Variants in LTBP1 observed in about 807,000 individuals in gnomAD.
The protein encoded by LTBP1 is latent-transforming growth factor beta-binding protein 1.
In LTBP1, 129 loss-of-function variants were observed where a neutral mutation model predicts 207.6. That is an observed-to-expected ratio of 0.62 (90% CI 0.54 to 0.72). The LOEUF is 0.72. Ranked by LOEUF, LTBP1 falls within the 30% of genes least tolerant of loss-of-function variation. The pLI is 0.00. For synonymous variants in LTBP1, 963 were observed against 833.7 expected, an observed-to-expected ratio of 1.16 and a Z score of -2.67; for missense variants, 2,281 against 2,217.2, an observed-to-expected ratio of 1.03 and a Z score of -0.58.
At chr2:33,355,574 A>C (rs770724409) in intron 26 of LTBP1, among the ~76,000 whole-genome samples, 2 of 152,176 alleles carry the variant, frequency 1.3e-5, no homozygotes, top group Non-Finnish European at 2.9e-5. Flanking sequence ...TGTGAATCCC[A>C]TGGATACAGA....
At chr2:33,385,950 C>T (rs554828525) in intron 31 of LTBP1, among the ~76,000 whole-genome samples, 3 of 152,134 alleles carry the variant, frequency 2.0e-5, no homozygotes, top group Middle Eastern at 6.8e-3. Flanking sequence ...AAGGGCAACA[C>T]GCTCTAGCAT....
chr2:33,397,506 CTTTTTTT>C (rs35219261), intron 33 of LTBP1, among the ~76,000 whole-genome samples: 1 of 112,116 alleles, frequency 8.9e-6, no homozygotes, highest in African/African-American at 3.5e-5. Context: ...TACCACAATT[CTTTTTTT>C]TTTTTTTTTT....
chr2:33,205,256 T>C (rs969154578), intron 7 of LTBP1, among the ~76,000 whole-genome samples: 8 of 152,260 alleles, frequency 5.3e-5, no homozygotes, highest in African/African-American at 7.2e-5. Context: ...CTTAAATCTT[T>C]ATTGCATTTA....
chr2:33,072,402 C>T (rs1467488131), intron 3 of LTBP1, among the ~76,000 whole-genome samples: 1 of 152,152 alleles, frequency 6.6e-6, no homozygotes, highest in Admixed American at 6.5e-5. Context: ...GGAAACCTAC[C>T]AAGGCCTGTC....
At chr2:33,279,966 C>T (rs1333863109) in intron 18 of LTBP1, 73 bp from the exon 19 acceptor site, 4 of 1,540,640 alleles carry the variant, frequency 2.6e-6, no homozygotes, top group Admixed American at 1.7e-5. Context: ...TCCCCCGCTG[C>T]CTTCATCACA....
chr2:32,961,505 A>C (rs1213247288), intron 2 of LTBP1, among the ~76,000 whole-genome samples: 1 of 152,220 alleles, frequency 6.6e-6, no homozygotes, highest in South Asian at 2.1e-4. Context: ...TTAAAGTGGA[A>C]GTTAAATATT....
chr2:33,250,210 G>A (rs769452293), intron 10 of LTBP1, among the ~76,000 whole-genome samples: 33 of 152,156 alleles, frequency 2.2e-4, no homozygotes, highest in Non-Finnish European at 3.8e-4. Context: ...GTAAAATAGG[G>A]GCAGTTTTAA....
intron 3 of LTBP1, among the ~76,000 whole-genome samples, chr2:33,049,924 C>T (rs2076640297): frequency 6.6e-6 from 1 of 151,840 alleles, no homozygotes; most frequent in Admixed American, 6.6e-5. Context: ...TCACTGCAGC[C>T]TGGGACTCCT....
intron 24 of LTBP1, among the ~76,000 whole-genome samples, chr2:33,335,089 G>C (rs1299442239): frequency 6.6e-6 from 1 of 151,198 alleles, no homozygotes; most frequent in Non-Finnish European, 1.5e-5. Flanking sequence ...CTGCTCTCTA[G>C]TGTGGGCAAC....
chr2:33,231,378 G>T (rs960787139), intron 9 of LTBP1, among the ~76,000 whole-genome samples: 1 of 152,156 alleles, frequency 6.6e-6, no homozygotes, highest in Non-Finnish European at 1.5e-5. Flanking sequence ...AAGTTCCTCG[G>T]AGTGCATCTG....
Position 33,300,471 on chromosome 2 carries a change from G to T in LTBP1, c.3256G>T (p.Gly1086Trp). The change falls in exon 21 of 34, where the codon GGG becomes TGG. Residue 1086 changes from glycine (G) to tryptophan (W), a missense_variant. This residue lies in a region of LTBP1 where 1,671 missense variants were observed against 1,634.8 expected (regional missense o/e 1.02). Transcript: ENST00000404816. ...HCRDIDECQQ[G>W]NLCVNGQCKN... ...TGCAGATATTGATGAATGTCAGCAA[G>T]GGAATCTATGTGTAAACGGGCAGTG... 1 of 1,613,518 alleles carries T rather than the reference G, an allele frequency of 6.2e-7. No homozygotes were observed. The highest frequency in any genetic ancestry group is 1.1e-5 in the South Asian group (1 of 91,020).
At chr2:33,079,004 G>A (rs7583652) in intron 3 of LTBP1, among the ~76,000 whole-genome samples, 6 of 151,448 alleles carry the variant, frequency 4.0e-5, no homozygotes, top group African/African-American at 9.7e-5. Context: ...GATTACAGGC[G>A]CACACCACCA....
chr2:33,283,783 T>G (rs898025731), intron 19 of LTBP1, among the ~76,000 whole-genome samples: 3 of 152,262 alleles, frequency 2.0e-5, no homozygotes, highest in African/African-American at 7.2e-5. Flanking sequence ...AAATCCTACA[T>G]TTGTCATTTG....
At chr2:33,384,767 C>G (rs1299234636) in intron 31 of LTBP1, among the ~76,000 whole-genome samples, 1 of 152,200 alleles carries the variant, frequency 6.6e-6, no homozygotes, top group Non-Finnish European at 1.5e-5. Context: ...CAGCCAACCA[C>G]AGTTCATGCA....
chr2:33,050,836 C>G (rs1031031501), intron 3 of LTBP1, among the ~76,000 whole-genome samples: 1 of 151,666 alleles, frequency 6.6e-6, no homozygotes, highest in Non-Finnish European at 1.5e-5. Context: ...CGGGTTCAAG[C>G]GATTCTCCTG....
chr2:33,303,338 A>G (rs1558978192), intron 22 of LTBP1, among the ~76,000 whole-genome samples: 1 of 147,250 alleles, frequency 6.8e-6, no homozygotes, highest in African/African-American at 2.5e-5. Context: ...ATCATCAGGC[A>G]TTAGTTAGAT....
chr2:33,184,585 T>C (rs1193210895), intron 5 of LTBP1, among the ~76,000 whole-genome samples: 1 of 152,196 alleles, frequency 6.6e-6, no homozygotes, highest in East Asian at 1.9e-4. Context: ...TCCTCTGCAG[T>C]TCCAAAGGAT....
intron 22 of LTBP1, among the ~76,000 whole-genome samples, chr2:33,304,947 G>T (rs2094061188): frequency 6.6e-6 from 1 of 152,106 alleles, no homozygotes; most frequent in Admixed American, 6.5e-5. Context: ...ACTGTTCTAG[G>T]CATAGGGCAA....
At chr2:33,199,320 T>C (rs915709693) in intron 7 of LTBP1, among the ~76,000 whole-genome samples, 4 of 152,194 alleles carry the variant, frequency 2.6e-5, no homozygotes, top group Non-Finnish European at 5.9e-5. Context: ...TACTTCCAAG[T>C]ATGTGGTCAA....
Sources: gnomAD v4.1 joint callset for allele counts (sites outside exome capture counted in the v4.1 genomes callset) on GRCh38, gnomAD v4.1.1 for gene constraint, gnomAD v4.1.1 regional missense constraint, MANE v1.5 for transcripts, NCBI Gene and HGNC (gene_info 2026-07-23, HGNC 2026-07-21) for gene names.